Variants in C1orf105 observed in about 807,000 individuals in gnomAD.
C1orf105 encodes chromosome 1 open reading frame 105.
In C1orf105, 17 loss-of-function variants were observed where a neutral mutation model predicts 20.8. The ratio of observed to expected loss-of-function variants is 0.82; its 90% CI spans 0.56 to 1.23. The LOEUF is 1.23. C1orf105 is among the 50% of genes most tolerant of loss of function. The pLI, the probability that C1orf105 is intolerant of heterozygous loss-of-function variation, is 0.00. For synonymous variants in C1orf105, 72 were observed against 72.1 expected, an observed-to-expected ratio of 1.00 and a Z score of 0.01; for missense variants, 219 against 213.5, an observed-to-expected ratio of 1.03 and a Z score of -0.16.
Position 172,455,910 on chromosome 1 carries a change from G to A in C1orf105, c.199-505G>A, listed in dbSNP as rs149206829. Among the ~76,000 whole-genome samples the A allele has an allele frequency of 4.3e-4, 66 of 152,260 alleles. No homozygotes were observed. In the East Asian group the frequency reaches 0.012, roughly 27 times the overall value. ...TGTTTCTGGCCCAGAGTTAAGGCAT[G>A]AGAAAGGAAGGCGATGCTTAGGAAA... On this transcript the variant is annotated intron_variant, in intron 3 of 6. Transcript: ENST00000367727.
At chr1:172,430,435 C>T in intron 1 of C1orf105, 1 of 606,632 alleles carries the variant, frequency 1.6e-6, no homozygotes, top group South Asian at 1.9e-5. Flanking sequence ...TGCAATTTTT[C>T]TTAAACCTTT....
At position 172,441,718 on chromosome 1, in the gene C1orf105, GA is replaced by G. The variant is rs1647323512; in HGVS notation, c.22-3354del. On this transcript the variant is annotated intron_variant, in intron 1 of 6. Coordinates refer to ENST00000367727, the MANE Select transcript of C1orf105 (RefSeq NM_139240.4). ...ATCAGCTTGCTTTAATAATGTAATG[GA>G]TGTCCTAATTTAACTGAGGAACCTG... The G allele has an allele frequency of 5.9e-6, 9 of 1,527,436 alleles. No individual in the cohort carries two copies. In the Admixed American group the frequency reaches 8.6e-5, roughly 15 times the overall value. 94.6% of individuals were successfully genotyped at this position (1,527,436 alleles called of 1,614,324 possible). A position where few individuals can be genotyped will look rare whatever the true frequency, so the allele number is the denominator to read the frequency against.
At chr1:172,464,656 T>C (rs1052009727) in intron 5 of C1orf105, among the ~76,000 whole-genome samples, 1 of 151,996 alleles carries the variant, frequency 6.6e-6, no homozygotes. Flanking sequence ...TTTTTTTTTT[T>C]TTCTGGAAAT....
intron 1 of C1orf105, among the ~76,000 whole-genome samples, chr1:172,432,801 A>G (rs1385328323): frequency 1.3e-5 from 2 of 152,254 alleles, no homozygotes; most frequent in Non-Finnish European, 2.9e-5. Flanking sequence ...TCAGAAGGTC[A>G]GTAATAACAA....
intron 3 of C1orf105, chr1:172,452,774 C>A: frequency 7.5e-7 from 1 of 1,329,342 alleles, no homozygotes; most frequent in Non-Finnish European, 9.7e-7. Flanking sequence ...CTGTCACTCT[C>A]CTGTCACAAC....
intron 1 of C1orf105, among the ~76,000 whole-genome samples, chr1:172,433,065 GA>G (rs2071922554): frequency 6.6e-6 from 1 of 152,132 alleles, no homozygotes; most frequent in Admixed American, 6.5e-5. Context: ...CAAGTTTAGA[GA>G]AAAAAGAGTA....
At chr1:172,436,792 G>C (rs573547302) in intron 1 of C1orf105, among the ~76,000 whole-genome samples, 2 of 152,336 alleles carry the variant, frequency 1.3e-5, no homozygotes, top group East Asian at 3.9e-4. Flanking sequence ...ACTACCATCA[G>C]AGTGAACAGG....
intron 1 of C1orf105, among the ~76,000 whole-genome samples, chr1:172,437,317 A>G (rs1022948451): frequency 2.3e-4 from 35 of 152,144 alleles, no homozygotes; most frequent in Non-Finnish European, 3.8e-4. Context: ...TCAAAATAGC[A>G]AAGACTTGGA....
At chr1:172,462,506 T>C (rs963674792) in intron 5 of C1orf105, among the ~76,000 whole-genome samples, 2 of 152,230 alleles carry the variant, frequency 1.3e-5, no homozygotes, top group African/African-American at 4.8e-5. Flanking sequence ...AGAAACAGAA[T>C]AGGAAATTTC....
At chr1:172,433,438 G>A (rs1308785727) in intron 1 of C1orf105, among the ~76,000 whole-genome samples, 4 of 152,130 alleles carry the variant, frequency 2.6e-5, no homozygotes, top group Non-Finnish European at 5.9e-5. Context: ...AAGAGAGTGG[G>A]GGCCAATATT....
In C1orf105 at chr1:172,445,069, C is replaced by T. The variant is rs375259647; in HGVS notation, c.22-4C>T. The T allele has an allele frequency of 8.1e-6, 13 of 1,609,780 alleles. No homozygotes were observed. Among genetic ancestry groups the T allele is most frequent in the Non-Finnish European group, 1.1e-5 (13 of 1,177,148 alleles). On this transcript the variant is annotated splice_polypyrimidine_tract_variant and splice_region_variant and intron_variant, in intron 1 of 6. Transcript: ENST00000367727. ...TCTGTAAAATGTTCTCTATTTCCCT[C>T]TAGGCTTCTGTTCCAAAATTTGACA... is the stretch of plus-strand genomic sequence containing the variant.
At chr1:172,440,074 GTGACA>G (rs1406632133) in intron 1 of C1orf105, among the ~76,000 whole-genome samples, 3 of 152,214 alleles carry the variant, frequency 2.0e-5, no homozygotes, top group African/African-American at 7.2e-5. Context: ...GATAAAGAAT[GTGACA>G]TGACAAGAGC....
rs1648261051 is a variant in C1orf105, at chr1:172,448,481, A to C, written c.148A>C (p.Lys50Gln). 4 of 1,613,666 alleles carry C rather than the reference A, an allele frequency of 2.5e-6. No homozygotes were observed. The Admixed American group carries it at 6.7e-5, about 27-fold the overall frequency. ...TSATFLTSSKKNMNLPILFQV... is the reference protein window; with the variant it reads ...TSATFLTSSKQNMNLPILFQV... ...TGCGACTTTTCTGACTTCATCCAAG[A>C]AGAATATGAATTTGCCAATTTTGTT... The change falls in exon 3 of 7, where the codon AAG becomes CAG. Residue 50 changes from lysine (K) to glutamine (Q), a missense_variant. Transcript: ENST00000367727.
chr1:172,438,996 G>A (rs561371116), intron 1 of C1orf105, among the ~76,000 whole-genome samples: 1 of 152,298 alleles, frequency 6.6e-6, no homozygotes, highest in East Asian at 1.9e-4. Context: ...ACATGAGAGT[G>A]CACACTTTAT....
intron 3 of C1orf105, among the ~76,000 whole-genome samples, chr1:172,451,887 TTTG>T: frequency 6.8e-6 from 1 of 147,988 alleles, no homozygotes; most frequent in Admixed American, 6.7e-5. Context: ...TTTTTTTTTT[TTTG>T]AGACGGAATC....
At chr1:172,428,876 C>T in intron 1 of C1orf105, 1 of 682,254 alleles carries the variant, frequency 1.5e-6, no homozygotes, top group South Asian at 1.6e-5. Context: ...CCTGAAGCCA[C>T]ACACTATAAA....
intron 3 of C1orf105, among the ~76,000 whole-genome samples, chr1:172,455,945 A>G (rs1184740490): frequency 6.6e-6 from 1 of 152,214 alleles, no homozygotes; most frequent in Non-Finnish European, 1.5e-5. Flanking sequence ...AGGCCCGTGA[A>G]AAAAAGATTT....
chr1:172,423,456 C>G (rs544814673), intron 1 of C1orf105, among the ~76,000 whole-genome samples: 1 of 152,174 alleles, frequency 6.6e-6, no homozygotes, highest in Non-Finnish European at 1.5e-5. Flanking sequence ...GCTGATATGG[C>G]TGCAGTGGCC....
intron 1 of C1orf105, among the ~76,000 whole-genome samples, chr1:172,436,132 G>A (rs914677838): frequency 1.3e-5 from 2 of 152,152 alleles, no homozygotes; most frequent in African/African-American, 4.8e-5. Flanking sequence ...TCATGGATAG[G>A]AAGAATCAGT....
Sources: allele counts gnomAD v4.1 joint callset (sites outside exome capture counted in the v4.1 genomes callset), GRCh38; gene constraint gnomAD v4.1.1; transcripts MANE v1.5; gene names NCBI Gene and HGNC (gene_info 2026-07-23, HGNC 2026-07-21).